Variants in PIGZ observed in about 807,000 individuals in gnomAD.
PIGZ encodes the protein phosphatidylinositol glycan anchor biosynthesis class Z (Gwada blood group), also known as GPI alpha-1,2-mannosyltransferase 4.
A neutral mutation model predicts 16.4 loss-of-function variants in PIGZ; 16 were observed. That is an observed-to-expected ratio of 0.97 (90% CI 0.66 to 1.48). The LOEUF (loss-of-function observed/expected upper bound fraction) is 1.48. Ranked by LOEUF, PIGZ falls within the 40% of genes most tolerant of loss-of-function variation. The pLI, the probability that PIGZ is intolerant of heterozygous loss-of-function variation, is 0.00. For synonymous variants in PIGZ, 409 were observed against 338.4 expected (o/e 1.21, Z -2.29); for missense variants, 770 against 739.2 (o/e 1.04, Z -0.48).
chr3:196,950,651 G>A (rs1354990708), intron 2 of PIGZ, among the ~76,000 whole-genome samples: 1 of 152,094 alleles, frequency 6.6e-6, no homozygotes, highest in Non-Finnish European at 1.5e-5. Context: ...AAGAAGATGA[G>A]CCTTTTAACT....
In PIGZ at chr3:196,948,454, G is replaced by T. The variant is rs1717038549; in HGVS notation, c.443C>A (p.Ala148Asp). 1.9e-6 allele frequency: 3 copies of T among 1,614,086 alleles called. No homozygotes were observed. Among genetic ancestry groups the T allele is most frequent in the Non-Finnish European group, 2.5e-6 (3 of 1,180,002 alleles). Residue 148 changes from alanine to aspartate, a missense_variant, in exon 3 of 3, where the codon GCC (alanine) becomes GAC (aspartate). Transcript: ENST00000412723. ...FALDGAVYHLAPPMGADRWNA... is the reference protein window; with the variant it reads ...FALDGAVYHLDPPMGADRWNA... ...CCAGCGATCCGCCCCCATCGGCGGG[G>T]CCAGGTGGTACACGGCCCCGTCCAG...
chr3:196,948,051 G>A lies in PIGZ; in HGVS notation c.846C>T (p.Ser282=), dbSNP rs1254367184. ...GGACAAGGTTCCTGGATGTAGCGGG[G>A]CTGGAGAAATACCAGCTGTCCGTGG... ...FVATDSWYFS[S]PATSRNLVLT... Residue 282 remains serine (S), a synonymous_variant, in exon 3 of 3, where the codon AGC becomes AGT. Coordinates refer to ENST00000412723, the MANE Select transcript of PIGZ (RefSeq NM_025163.4). 3.1e-6 allele frequency: 5 copies of A among 1,589,446 alleles called. No individual in the cohort carries two copies. The highest frequency in any genetic ancestry group is 2.7e-5 in the African/African-American group (2 of 74,426).
intron 1 of PIGZ, among the ~76,000 whole-genome samples, chr3:196,952,806 T>C (rs527963175): frequency 2.5e-3 from 381 of 152,166 alleles, no homozygotes; most frequent in Non-Finnish European, 4.3e-3. Flanking sequence ...ATCCAACCCA[T>C]TGAGGGTCTG....
intron 1 of PIGZ, among the ~76,000 whole-genome samples, chr3:196,967,446 T>C (rs1717977098): frequency 6.6e-6 from 1 of 152,186 alleles, no homozygotes; most frequent in Non-Finnish European, 1.5e-5. Flanking sequence ...GGCCCAAGGT[T>C]CGGCCCCTTT....
intron 1 of PIGZ, among the ~76,000 whole-genome samples, chr3:196,953,569 C>T (rs1265686355): frequency 6.6e-6 from 1 of 152,170 alleles, no homozygotes; most frequent in Non-Finnish European, 1.5e-5. Context: ...CAATCTGAGC[C>T]CATGGCATGC....
At chr3:196,960,965 A>G (rs1301377711) in intron 1 of PIGZ, among the ~76,000 whole-genome samples, 1 of 152,254 alleles carries the variant, frequency 6.6e-6, no homozygotes, top group African/African-American at 2.4e-5. Context: ...GTAGGAATAA[A>G]GAGCAAAATA....
rs1263308080 is a variant in PIGZ, at chr3:196,947,242, T to C, written c.1655A>G (p.Asp552Gly). The stretch of plus-strand genomic sequence containing the variant: ...CAGCAAGGAGGACAGGGCTGGTGGA[T>C]CCTCCAGGGTCAGATGGGGAAATAA... The part of the protein sequence containing the change: ...TLLFPHLTLE[D>G]PPALSSLLSG... The change falls in exon 3 of 3, where the codon GAT becomes GGT. Residue 552 changes from aspartate (D) to glycine (G), a missense_variant. Asp to Gly is a moderately conservative substitution (Grantham distance 94). Transcript: ENST00000412723. 6.2e-7 allele frequency: 1 copy of C among 1,612,248 alleles called. No individual in the cohort carries two copies. Among genetic ancestry groups the C allele is most frequent in the Non-Finnish European group, 8.5e-7 (1 of 1,179,000 alleles).
chr3:196,963,129 A>G (rs1717788326), intron 1 of PIGZ, among the ~76,000 whole-genome samples: 1 of 152,216 alleles, frequency 6.6e-6, no homozygotes, highest in African/African-American at 2.4e-5. Flanking sequence ...AGCAGGTATC[A>G]CTACGTCCTT....
At chr3:196,952,155 C>T in intron 1 of PIGZ, 124 bp from the exon 2 acceptor site, 1 of 937,310 alleles carries the variant, frequency 1.1e-6, no homozygotes, top group Non-Finnish European at 1.6e-6. Flanking sequence ...CTACTTCATA[C>T]TCTATGCCCA....
In PIGZ at chr3:196,947,369, C is replaced by T. The variant is rs1037252637; in HGVS notation, c.1528G>A (p.Val510Met). 1.2e-6 allele frequency: 2 copies of T among 1,614,180 alleles called. No homozygotes were observed. Among genetic ancestry groups the T allele is most frequent in the Non-Finnish European group, 1.7e-6 (2 of 1,180,040 alleles). ...KSFTRQPACQ[V>M]AGGPWLCRLF... is the part of the protein sequence containing the mutation. ...CGGCAGAGCCATGGCCCACCAGCCA[C>T]TTGGCAGGCTGGTTGTCTGGTGAAG... Residue 510 changes from valine to methionine, a missense_variant, in exon 3 of 3, where the codon GTG becomes ATG. Val to Met is a conservative substitution (Grantham distance 21). Transcript: ENST00000412723.
intron 1 of PIGZ, among the ~76,000 whole-genome samples, chr3:196,966,319 G>A (rs965142359): frequency 6.6e-6 from 1 of 152,196 alleles, no homozygotes; most frequent in Non-Finnish European, 1.5e-5. Context: ...ACCTATCTCA[G>A]GGCTGTTGTG....
chr3:196,966,602 A>T (rs1717935566), intron 1 of PIGZ, among the ~76,000 whole-genome samples: 1 of 152,212 alleles, frequency 6.6e-6, no homozygotes, highest in African/African-American at 2.4e-5. Context: ...GGTCCTCCGG[A>T]GAAGGTGACA....
intron 1 of PIGZ, among the ~76,000 whole-genome samples, chr3:196,958,392 A>C (rs902539325): frequency 6.6e-6 from 1 of 152,218 alleles, no homozygotes. Flanking sequence ...GAACTTTGGG[A>C]GGCTGAGGCC....
intron 1 of PIGZ, among the ~76,000 whole-genome samples, chr3:196,968,201 G>GC (rs1457841024): frequency 2.0e-5 from 3 of 152,308 alleles, no homozygotes; most frequent in East Asian, 3.9e-4. Flanking sequence ...CCGAAGTGCA[G>GC]CCCCCGAGGC....
chr3:196,955,767 C>T (rs142020042), intron 1 of PIGZ, among the ~76,000 whole-genome samples: 101 of 151,540 alleles, frequency 6.7e-4, no homozygotes, highest in Middle Eastern at 3.4e-3. Context: ...TTAGTAGAGA[C>T]GGGGTTTTGC....
At chr3:196,949,638 C>T (rs1481407004) in intron 2 of PIGZ, among the ~76,000 whole-genome samples, 2 of 152,166 alleles carry the variant, frequency 1.3e-5, no homozygotes, top group African/African-American at 4.8e-5. Context: ...CAGACGGGTG[C>T]AGTTTGAGCT....
intron 1 of PIGZ, among the ~76,000 whole-genome samples, chr3:196,953,711 C>T (rs186293347): frequency 8.3e-4 from 127 of 152,278 alleles, no homozygotes; most frequent in African/African-American, 2.3e-3. Flanking sequence ...ATAGTTCTTG[C>T]TCTCAGGTGT....
chr3:196,967,592 G>A (rs1717982666), intron 1 of PIGZ, among the ~76,000 whole-genome samples: 1 of 152,340 alleles, frequency 6.6e-6, no homozygotes, highest in South Asian at 2.1e-4. Flanking sequence ...GTCTACTCCA[G>A]GGGTACAAGG....
chr3:196,949,060 C>CCCTTCCCCTCCCTT (rs149390391), intron 2 of PIGZ, among the ~76,000 whole-genome samples: 1 of 23,560 alleles, frequency 4.2e-5, no homozygotes, highest in Non-Finnish European at 6.3e-5. Flanking sequence ...TCCCTTCCTT[C>CCCTTCCCCTCCCTT]CCCTTCCTTC....
Sources: allele counts gnomAD v4.1 joint callset (sites outside exome capture counted in the v4.1 genomes callset), GRCh38; gene constraint gnomAD v4.1.1; transcripts MANE v1.5; gene names NCBI Gene and HGNC (gene_info 2026-07-23, HGNC 2026-07-21).